FBXO15: variants seen among roughly 807,000 people sequenced by gnomAD.
The protein encoded by FBXO15 is F-box protein 15.
In FBXO15, 30 loss-of-function variants were observed where a neutral mutation model predicts 49.5. That is an observed-to-expected ratio of 0.61 (90% confidence interval 0.45 to 0.82). The LOEUF is 0.82. Ranked by LOEUF, FBXO15 falls within the 40% of genes least tolerant of loss-of-function variation. The pLI is 0.00. For missense variants in FBXO15, 591 were observed against 631.5 expected, an observed-to-expected ratio of 0.94 and a Z score of 0.69; for synonymous variants, 250 against 232.7, an observed-to-expected ratio of 1.07 and a Z score of -0.68.
intron 8 of FBXO15, among the ~76,000 whole-genome samples, chr18:74,088,115 T>C (rs1912830389): frequency 6.6e-6 from 1 of 152,210 alleles, no homozygotes; most frequent in Non-Finnish European, 1.5e-5. Context: ...TAGACCTTTA[T>C]CAAATGCACA....
At position 74,130,109 on chromosome 18, in the gene FBXO15, A is replaced by G. The variant is rs186082064; in HGVS notation, c.575+307T>C. ...AAATCATCTTGAGATTACTTATAAT[A>G]CCTAATACAATGTAAATGCTGTGCA... On this transcript the variant is annotated intron_variant, in intron 4 of 9. Coordinates refer to ENST00000419743, the MANE Select transcript of FBXO15 (RefSeq NM_001142958.2). Among the ~76,000 whole-genome samples the G allele has an allele frequency of 7.9e-5, 12 of 152,334 alleles. No homozygotes were observed. The East Asian group carries it at 1.7e-3, about 22-fold the overall frequency.
At chr18:74,124,118 C>G (rs865976429) in intron 7 of FBXO15, among the ~76,000 whole-genome samples, 1 of 152,086 alleles carries the variant, frequency 6.6e-6, no homozygotes, top group Admixed American at 6.5e-5. Flanking sequence ...CTGTCCAGAC[C>G]GGACAGAATC....
At chr18:74,134,402 G>A (rs1210033952) in intron 3 of FBXO15, among the ~76,000 whole-genome samples, 2 of 132,478 alleles carry the variant, frequency 1.5e-5, no homozygotes, top group African/African-American at 5.8e-5. Context: ...ATGGAGTCTC[G>A]CTCTGTCACC....
In FBXO15 at chr18:74,124,499, A is replaced by G. The variant is rs1344967716; in HGVS notation, c.985T>C (p.Ser329Pro). The G allele has an allele frequency of 6.2e-7, 1 of 1,614,014 alleles. No homozygotes were observed. Among genetic ancestry groups the G allele is most frequent in the Non-Finnish European group, 8.5e-7 (1 of 1,179,938 alleles). ...HHLVERSTLG[S>P]ATIPYELPPH... The stretch of plus-strand genomic sequence containing the variant: ...CATATAAATACATACATAGTAGCCG[A>G]GCCTAATGTGCTCCTCTCCACAAGG... Residue 329 changes from serine to proline, a missense_variant, in exon 7 of 10, where the codon TCG (serine) becomes CCG (proline). Physicochemically the swap from Ser to Pro is moderately conservative, Grantham distance 74 (BLOSUM62 -1). Coordinates refer to ENST00000419743, the MANE Select transcript of FBXO15 (RefSeq NM_001142958.2).
At chr18:74,080,958 A>G (rs1912467609) in intron 9 of FBXO15, among the ~76,000 whole-genome samples, 3 of 152,166 alleles carry the variant, frequency 2.0e-5, no homozygotes, top group Non-Finnish European at 1.5e-5. Flanking sequence ...TTATCTTAGT[A>G]CCTACTTTTA....
At chr18:74,138,728 C>T (rs186458840) in intron 2 of FBXO15, among the ~76,000 whole-genome samples, 2 of 152,194 alleles carry the variant, frequency 1.3e-5, no homozygotes, top group Admixed American at 6.5e-5. Flanking sequence ...CCCTCTCTTC[C>T]GCCCTGACCC....
chr18:74,119,327 T>G (rs1346015081), intron 8 of FBXO15, among the ~76,000 whole-genome samples: 1 of 152,232 alleles, frequency 6.6e-6, no homozygotes, highest in Non-Finnish European at 1.5e-5. Context: ...CTCAACTGCA[T>G]GGCCTTTGGG....
At chr18:74,146,654 C>A (rs1210828621) in intron 1 of FBXO15, among the ~76,000 whole-genome samples, 1 of 152,088 alleles carries the variant, frequency 6.6e-6, no homozygotes, top group East Asian at 1.9e-4. Context: ...GTATGTCTAG[C>A]ATTATAGGTA....
intron 8 of FBXO15, among the ~76,000 whole-genome samples, chr18:74,108,807 A>G (rs1424103534): frequency 2.0e-5 from 3 of 152,214 alleles, no homozygotes; most frequent in Non-Finnish European, 4.4e-5. Context: ...GAAAGAAACC[A>G]GAGGAAAAGA....
At chr18:74,104,005 AT>A (rs2145150703) in intron 8 of FBXO15, among the ~76,000 whole-genome samples, 1 of 152,308 alleles carries the variant, frequency 6.6e-6, no homozygotes, top group South Asian at 2.1e-4. Context: ...TGTGCAATCC[AT>A]TCATAACTCT....
chr18:74,129,620 G>GA lies in FBXO15; in HGVS notation c.576-7dup. 1.3e-6 allele frequency: 2 copies of GA among 1,515,446 alleles called. No individual in the cohort carries two copies. Among genetic ancestry groups the GA allele is most frequent in the Non-Finnish European group, 1.8e-6 (2 of 1,131,692 alleles). 93.9% of individuals were successfully genotyped at this position (1,515,446 alleles called of 1,614,324 possible). A position where few individuals can be genotyped will look rare whatever the true frequency, so the allele number is the denominator to read the frequency against. ...CCCAACCTAAACCAAATATTCTGGAGAAAGAAAAAAAAACTAACAATGTTT... is the reference window on the plus strand; with the variant it reads ...CCCAACCTAAACCAAATATTCTGGAGAAAAGAAAAAAAAACTAACAATGTTT... On this transcript the variant is annotated splice_region_variant and splice_polypyrimidine_tract_variant and intron_variant, in intron 4 of 9. Transcript: ENST00000419743.
intron 2 of FBXO15, among the ~76,000 whole-genome samples, chr18:74,136,163 C>A (rs759654252): frequency 3.3e-5 from 5 of 152,130 alleles, no homozygotes; most frequent in Non-Finnish European, 7.4e-5. Context: ...TCAATGTCCC[C>A]CATGAAACTG....
intron 8 of FBXO15, among the ~76,000 whole-genome samples, chr18:74,104,352 A>G (rs1341306205): frequency 6.6e-6 from 1 of 152,192 alleles, no homozygotes; most frequent in African/African-American, 2.4e-5. Flanking sequence ...CAACAAAAAA[A>G]GACAGGAAGA....
intron 2 of FBXO15, among the ~76,000 whole-genome samples, chr18:74,139,356 G>C (rs1257493210): frequency 6.6e-6 from 1 of 152,142 alleles, no homozygotes; most frequent in Non-Finnish European, 1.5e-5. Flanking sequence ...TTAATGGATG[G>C]ACTAACCAAA....
Position 74,116,383 on chromosome 18 carries a change from C to A in FBXO15, c.1138+6985G>T, listed in dbSNP as rs575082017. On this transcript the variant is annotated intron_variant, in intron 8 of 9. Coordinates refer to ENST00000419743, the MANE Select transcript of FBXO15 (RefSeq NM_001142958.2). ...AAGTGATTTTTTAGATGCTACTTTG[C>A]AAGTTTGATAATAAATTTCTATTGG... 3.9e-5 allele frequency among the ~76,000 whole-genome samples: 6 copies of A among 152,218 alleles called. No individual in the cohort carries two copies. In the South Asian group the frequency reaches 1.2e-3, roughly 32 times the overall value.
chr18:74,129,454 C>A lies in FBXO15; in HGVS notation c.736G>T (p.Gly246Cys). 6.2e-7 allele frequency: 1 copy of A among 1,613,920 alleles called. No homozygotes were observed. Among genetic ancestry groups the A allele is most frequent in the Non-Finnish European group, 8.5e-7 (1 of 1,179,950 alleles). ...LASLSTLDLC[G>C]MTPVFTDWYK... ...CAGTCGGTAAAAACTGGTGTCATGC[C>A]ACATAAATCTAAGGTTGACAATGAT... Residue 246 changes from glycine to cysteine, a missense_variant, in exon 5 of 10, where the codon GGC becomes TGC. Gly to Cys is a radical substitution (Grantham distance 159). Transcript: ENST00000419743.
At chr18:74,094,889 T>C (rs1386724717) in intron 8 of FBXO15, among the ~76,000 whole-genome samples, 3 of 152,248 alleles carry the variant, frequency 2.0e-5, no homozygotes, top group Non-Finnish European at 4.4e-5. Context: ...GAGAATCCAT[T>C]GTTTAGTGTA....
chr18:74,073,424 A>G lies in FBXO15; in HGVS notation c.*37T>C, dbSNP rs1912110559. ...ACCAAGAACAAAGCCAGTCAAAAAT[A>G]AACAACTAAATAACAACAATAATTT... On this transcript the variant is annotated 3_prime_UTR_variant, in exon 10 of 10. Transcript: ENST00000419743. 3 of 1,588,904 alleles carry G rather than the reference A, an allele frequency of 1.9e-6. No homozygotes were observed. Among genetic ancestry groups the G allele is most frequent in the Non-Finnish European group, 2.6e-6 (3 of 1,167,186 alleles).
At chr18:74,127,904 A>G (rs1456345008) in intron 5 of FBXO15, among the ~76,000 whole-genome samples, 1 of 152,182 alleles carries the variant, frequency 6.6e-6, no homozygotes, top group Non-Finnish European at 1.5e-5. Flanking sequence ...GTTTGTCCTA[A>G]TATCTGTAAG....
Sources: allele counts gnomAD v4.1 joint callset (sites outside exome capture counted in the v4.1 genomes callset), GRCh38; gene constraint gnomAD v4.1.1; transcripts MANE v1.5; gene names NCBI Gene and HGNC (gene_info 2026-07-23, HGNC 2026-07-21).